The following SLC6A2 variants were observed in gnomAD, a reference collection of about 807,000 sequenced individuals.
SLC6A2 encodes solute carrier family 6 member 2.
SLC6A2 carries 26 observed loss-of-function variants against 71.7 expected under a neutral mutation model. The ratio of observed to expected loss-of-function variants is 0.36; its 90% CI spans 0.27 to 0.50. The LOEUF (loss-of-function observed/expected upper bound fraction) is 0.50, where lower values mean the gene tolerates loss of function less well. Ranked by LOEUF, SLC6A2 falls within the 20% of genes least tolerant of loss-of-function variation. SLC6A2 has a pLI of 0.96. For missense variants in SLC6A2, 581 were observed against 803.9 expected (o/e 0.72, Z 3.35); for synonymous variants, 363 against 337.9 (o/e 1.07, Z -0.82).
rs143881276 is a variant in SLC6A2 at position 55,691,589 on chromosome 16, G to C, written c.784-329G>C. Among the ~76,000 whole-genome samples the C allele has an allele frequency of 3.0e-3, 454 of 152,270 alleles. 1 individual carries two copies. Among genetic ancestry groups the C allele is most frequent in the Middle Eastern group, 6.8e-3 (2 of 294 alleles). Reference sequence around the variant, plus strand: ...AGGAGTCTTTCCTTGAAGGAGTCAGGAGAGGTGGCTTTGTAGATGAGGAGG... The same window carrying C: ...AGGAGTCTTTCCTTGAAGGAGTCAGCAGAGGTGGCTTTGTAGATGAGGAGG... On this transcript the variant is annotated intron_variant, in intron 5 of 14. Transcript: ENST00000568943.
intron 13 of SLC6A2, among the ~76,000 whole-genome samples, chr16:55,701,236 C>T (rs1324732572): frequency 3.3e-5 from 5 of 152,162 alleles, no homozygotes; most frequent in African/African-American, 1.2e-4. Context: ...TCCCCATCCT[C>T]ATTCTTTGTG....
intron 11 of SLC6A2, 149 bp from the exon 12 acceptor site, chr16:55,699,405 A>G (rs1384607987): frequency 1.4e-6 from 1 of 703,500 alleles, no homozygotes. Flanking sequence ...CTGCATTACA[A>G]AGGGCCCATC....
At chr16:55,684,175 C>T (rs1596989154) in intron 4 of SLC6A2, among the ~76,000 whole-genome samples, 1 of 151,718 alleles carries the variant, frequency 6.6e-6, no homozygotes, top group Admixed American at 6.6e-5. Context: ...TGATGTATAC[C>T]TATATTCCCA....
At chr16:55,663,350 C>T (rs533820422) in intron 2 of SLC6A2, among the ~76,000 whole-genome samples, 48 of 152,234 alleles carry the variant, frequency 3.2e-4, no homozygotes, top group African/African-American at 1.2e-3. Flanking sequence ...TGAGTTCTCA[C>T]GCCACTCTCT....
At chr16:55,692,484 C>G (rs560075622) in intron 6 of SLC6A2, among the ~76,000 whole-genome samples, 1 of 152,278 alleles carries the variant, frequency 6.6e-6, no homozygotes, top group Non-Finnish European at 1.5e-5. Flanking sequence ...TCTTAGCCAC[C>G]AGGGAGGCCC....
intron 2 of SLC6A2, among the ~76,000 whole-genome samples, chr16:55,657,989 T>C (rs1247359357): frequency 6.6e-6 from 1 of 151,712 alleles, no homozygotes; most frequent in East Asian, 1.9e-4. Flanking sequence ...GAGGAAGAAA[T>C]TGGAGAAGGG....
At chr16:55,702,073 AT>A in intron 14 of SLC6A2, 139 bp downstream of exon 14, 1 of 799,966 alleles carries the variant, frequency 1.3e-6, no homozygotes, top group South Asian at 1.5e-5. Flanking sequence ...CCTTGGAAAC[AT>A]CGGGATGGGG....
rs772433403 is a variant in SLC6A2, at chr16:55,696,314, C to T, written c.1237C>T (p.Leu413=). ...GGCTGTTGTGTTTTTCGTCATGCTC[C>T]TGGCGCTGGGCCTTGACAGCTCAGT... ...FWAVVFFVML[L]ALGLDSSMGG... Residue 413 remains leucine (L), a synonymous_variant, in exon 9 of 15, where the codon CTG becomes TTG. Coordinates refer to ENST00000568943, the MANE Select transcript of SLC6A2 (RefSeq NM_001172501.3). 3 of 1,612,050 alleles carry T rather than the reference C, an allele frequency of 1.9e-6. No individual in the cohort carries two copies. The highest frequency in any genetic ancestry group is 2.5e-6 in the Non-Finnish European group (3 of 1,178,612).
intron 2 of SLC6A2, among the ~76,000 whole-genome samples, chr16:55,668,198 G>A (rs1302451410): frequency 6.6e-6 from 1 of 152,192 alleles, no homozygotes; most frequent in Admixed American, 6.5e-5. Context: ...TGAGAAACAA[G>A]TGGAGACTGA....
intron 5 of SLC6A2, among the ~76,000 whole-genome samples, chr16:55,686,371 T>C (rs1484206959): frequency 6.6e-6 from 1 of 152,152 alleles, no homozygotes; most frequent in Non-Finnish European, 1.5e-5. Context: ...TCCAAGAACA[T>C]GTCCCAAGCA....
intron 7 of SLC6A2, 35 bp from the exon 8 acceptor site, chr16:55,695,243 C>T (rs1402740454): frequency 6.2e-7 from 1 of 1,613,646 alleles, no homozygotes; most frequent in South Asian, 1.1e-5. Context: ...TTGAGGGTGT[C>T]AAGGGACTTG....
At chr16:55,680,906 C>A (rs1404112499) in intron 4 of SLC6A2, among the ~76,000 whole-genome samples, 2 of 152,090 alleles carry the variant, frequency 1.3e-5, no homozygotes, top group African/African-American at 4.8e-5. Context: ...GGGAGCCATT[C>A]TGGGGAGGGG....
chr16:55,682,543 A>G (rs1965306700), intron 4 of SLC6A2, among the ~76,000 whole-genome samples: 1 of 152,256 alleles, frequency 6.6e-6, no homozygotes. Context: ...ATGAGCTAAC[A>G]GGTCTAACTG....
chr16:55,665,494 G>T (rs1273960415), intron 2 of SLC6A2, among the ~76,000 whole-genome samples: 1 of 152,146 alleles, frequency 6.6e-6, no homozygotes, highest in African/African-American at 2.4e-5. Flanking sequence ...CTATTCTGTG[G>T]ATTGGCACTT....
intron 2 of SLC6A2, among the ~76,000 whole-genome samples, chr16:55,669,110 T>G (rs1964832456): frequency 6.6e-6 from 1 of 152,140 alleles, no homozygotes; most frequent in Non-Finnish European, 1.5e-5. Flanking sequence ...TCATGTAAAT[T>G]TAGGCACTGT....
rs184647139 is a variant in SLC6A2 at position 55,674,020 on chromosome 16, T to A, written c.644+1845T>A. ...TTCATAACTATTATTGTTGTTGTTATTATTATTATTTATTTCAACTTTCAT... is the reference window on the plus strand; with the variant it reads ...TTCATAACTATTATTGTTGTTGTTAATATTATTATTTATTTCAACTTTCAT... On this transcript the variant is annotated intron_variant, in intron 4 of 14. Coordinates refer to ENST00000568943, the MANE Select transcript of SLC6A2 (RefSeq NM_001172501.3). 9.2e-5 allele frequency among the ~76,000 whole-genome samples: 14 copies of A among 152,356 alleles called. No homozygotes were observed. In the East Asian group the frequency reaches 2.7e-3, roughly 29 times the overall value.
intron 2 of SLC6A2, among the ~76,000 whole-genome samples, chr16:55,659,933 A>G (rs1964565102): frequency 6.6e-6 from 1 of 152,196 alleles, no homozygotes; most frequent in South Asian, 2.1e-4. Context: ...GACCAAACAT[A>G]ATAACTCATG....
At chr16:55,675,068 C>A (rs1413218438) in intron 4 of SLC6A2, among the ~76,000 whole-genome samples, 1 of 152,048 alleles carries the variant, frequency 6.6e-6, no homozygotes, top group African/African-American at 2.4e-5. Context: ...GAGCTTATAA[C>A]CATCATTATT....
rs1966025659 is a variant in SLC6A2 at position 55,703,178 on chromosome 16, C to T, written c.*832C>T. 1 of 985,378 alleles carries T rather than the reference C, an allele frequency of 1.0e-6. No homozygotes were observed. Among genetic ancestry groups the T allele is most frequent in the Non-Finnish European group, 1.2e-6 (1 of 829,886 alleles). 61.0% of individuals were successfully genotyped at this position (985,378 alleles called of 1,614,324 possible). On this transcript the variant is annotated 3_prime_UTR_variant, in exon 15 of 15. Coordinates refer to ENST00000568943, the MANE Select transcript of SLC6A2 (RefSeq NM_001172501.3). ...CTCATGCTGCTCTTGCTCTGTAAGACACGGAGCCCAGAAACCCATCTGCAC... is the reference window on the plus strand; with the variant it reads ...CTCATGCTGCTCTTGCTCTGTAAGATACGGAGCCCAGAAACCCATCTGCAC...
Sources: gnomAD v4.1 joint callset for allele counts (sites outside exome capture counted in the v4.1 genomes callset) on GRCh38, gnomAD v4.1.1 for gene constraint, MANE v1.5 for transcripts, NCBI Gene and HGNC (gene_info 2026-07-23, HGNC 2026-07-21) for gene names.